GDF3: variants seen among roughly 807,000 people sequenced by gnomAD.
GDF3 encodes growth/differentiation factor 3.
Under a neutral mutation model 10.2 loss-of-function variants are expected in GDF3, and 10 were observed. The ratio of observed to expected loss-of-function variants is 0.98; its 90% CI spans 0.60 to 1.66. The LOEUF (loss-of-function observed/expected upper bound fraction) is 1.66, where lower values mean the gene tolerates loss of function less well. Among genes scored for constraint, GDF3 ranks in the 40% most tolerant of loss-of-function variants. The probability of loss-of-function intolerance (pLI) is 0.00; values close to 1 mark genes in which losing one functional copy is unlikely to be tolerated. For synonymous variants in GDF3, 166 were observed against 178.5 expected (o/e 0.93, Z 0.56); for missense variants, 450 against 438.3 (o/e 1.03, Z -0.24).
Position 7,695,568 on chromosome 12 carries a change from A to G in GDF3, c.161T>C (p.Ile54Thr), listed in dbSNP as rs910081119. The G allele has an allele frequency of 1.2e-6, 2 of 1,613,844 alleles. No homozygotes were observed. The highest frequency in any genetic ancestry group is 2.7e-5 in the African/African-American group (2 of 74,858). The change falls in exon 1 of 2, where the codon ATT (isoleucine) becomes ACT (threonine). Residue 54 changes from isoleucine (I) to threonine (T), a missense_variant. Transcript: ENST00000329913. ...FQPVPYILKK[I>T]FQDREAAATT... The stretch of plus-strand genomic sequence containing the variant: ...CGCTGCTGCCTCGCGATCCTGGAAA[A>G]TTTTCTTCAAGATATAAGGCACAGG...
chr12:7,695,617 C>G lies in GDF3; in HGVS notation c.112G>C (p.Ala38Pro). 6.2e-7 allele frequency: 1 copy of G among 1,614,122 alleles called. No homozygotes were observed. The change falls in exon 1 of 2, where the codon GCG becomes CCG. Residue 38 changes from alanine (A) to proline (P), a missense_variant. Coordinates refer to ENST00000329913, the MANE Select transcript of GDF3 (RefSeq NM_020634.3). ...VFLQFLGLDK[A>P]PSPQKFQPVP... ...GGTTGGAACTTCTGGGGTGAAGGCG[C>G]CTTATCTAAGCCCAGAAATTGGAGA...
intron 1 of GDF3, among the ~76,000 whole-genome samples, chr12:7,694,100 GACT>G (rs1413623689): frequency 6.6e-6 from 1 of 152,098 alleles, no homozygotes; most frequent in Non-Finnish European, 1.5e-5. Flanking sequence ...AGAAGGAATA[GACT>G]ACTATGAGCT....
Position 7,689,967 on chromosome 12 carries a change from G to C in GDF3, c.1006C>G (p.Pro336Ala). 2 of 1,613,888 alleles carry C rather than the reference G, an allele frequency of 1.2e-6. No homozygotes were observed. Among genetic ancestry groups the C allele is most frequent in the African/African-American group, 2.7e-5 (2 of 75,038 alleles). The stretch of plus-strand genomic sequence containing the variant: ...TTGTCCTGGTAGAGCATGGAAATGG[G>C]AGACAGCTTGGTGGGGATACACACA... ...QAVCIPTKLS[P>A]ISMLYQDNND... Residue 336 changes from proline to alanine, a missense_variant, in exon 2 of 2, where the codon CCC becomes GCC. By Grantham distance (27) the Pro-to-Ala change is conservative (BLOSUM62 -1). Coordinates refer to ENST00000329913, the MANE Select transcript of GDF3 (RefSeq NM_020634.3).
intron 1 of GDF3, among the ~76,000 whole-genome samples, chr12:7,691,321 A>T (rs775545509): frequency 6.6e-6 from 1 of 152,300 alleles, no homozygotes; most frequent in Non-Finnish European, 1.5e-5. Context: ...GAATATAGGT[A>T]ACAAATCCCA....
chr12:7,691,149 CAA>C (rs71038718), intron 1 of GDF3, among the ~76,000 whole-genome samples: 44 of 120,696 alleles, frequency 3.6e-4, no homozygotes, highest in Non-Finnish European at 3.3e-4. Context: ...GACTCCGTCT[CAA>C]AAAAAAAAAA....
Position 7,690,264 on chromosome 12 carries a change from TCAC to T in GDF3, c.706_708del (p.Val236del). On this transcript the variant is annotated inframe_deletion, in exon 2 of 2. Transcript: ENST00000329913. ...GGGTGGCACTGATCAGGGTTGAGAG[TCAC>T]CACCAGCAGGGAAGCATGAAGGGAG... 6.2e-7 allele frequency: 1 copy of T among 1,613,886 alleles called. No homozygotes were observed. Among genetic ancestry groups the T allele is most frequent in the Non-Finnish European group, 8.5e-7 (1 of 1,179,958 alleles).
In GDF3 at chr12:7,689,951, T is replaced by C; in HGVS notation, c.1022A>G (p.Tyr341Cys). 1.2e-6 allele frequency: 2 copies of C among 1,613,908 alleles called. No individual in the cohort carries two copies. The highest frequency in any genetic ancestry group is 1.7e-6 in the Non-Finnish European group (2 of 1,179,850). ...AATGACATTGTCATTATTGTCCTGG[T>C]AGAGCATGGAAATGGGAGACAGCTT... is the stretch of plus-strand genomic sequence containing the variant. ...PTKLSPISMLYQDNNDNVILR... is the reference protein window; with the variant it reads ...PTKLSPISMLCQDNNDNVILR... Residue 341 changes from tyrosine to cysteine, a missense_variant, in exon 2 of 2, where the codon TAC (tyrosine) becomes TGC (cysteine). Transcript: ENST00000329913.
chr12:7,692,160 A>G (rs1864138369), intron 1 of GDF3, among the ~76,000 whole-genome samples: 1 of 148,888 alleles, frequency 6.7e-6, no homozygotes, highest in Non-Finnish European at 1.5e-5. Flanking sequence ...GGGCCGGGAC[A>G]TGGTGGCTCA....
intron 1 of GDF3, among the ~76,000 whole-genome samples, chr12:7,692,312 C>T (rs1292123699): frequency 6.6e-6 from 1 of 151,656 alleles, no homozygotes; most frequent in African/African-American, 2.4e-5. Context: ...TGCCTGTAAT[C>T]CCAGCTACTC....
In GDF3 at chr12:7,695,544, G is replaced by A. The variant is rs763647791; in HGVS notation, c.185C>T (p.Ala62Val). The A allele has an allele frequency of 3.7e-6, 6 of 1,614,038 alleles. No individual in the cohort carries two copies. The highest frequency in any genetic ancestry group is 1.7e-4 in the Middle Eastern group (1 of 6,060). Residue 62 changes from alanine to valine, a missense_variant, in exon 1 of 2, where the codon GCG becomes GTG. By Grantham distance (64) the Ala-to-Val change is moderately conservative. Transcript: ENST00000329913. ...KKIFQDREAA[A>V]TTGVSRDLCY... ...TAAGTCTCGGGAGACCCCAGTGGTC[G>A]CTGCTGCCTCGCGATCCTGGAAAAT... is the stretch of plus-strand genomic sequence containing the variant.
rs780093783 is a variant in GDF3, at chr12:7,690,290, G to A, written c.683C>T (p.Ser228Phe). 2.5e-6 allele frequency: 4 copies of A among 1,614,150 alleles called. No homozygotes were observed. Among genetic ancestry groups the A allele is most frequent in the Admixed American group, 1.7e-5 (1 of 59,994 alleles). Residue 228 changes from serine (S) to phenylalanine (F), a missense_variant, in exon 2 of 2, where the codon TCC becomes TTC. Physicochemically the swap from Ser to Phe is radical, Grantham distance 155. Coordinates refer to ENST00000329913, the MANE Select transcript of GDF3 (RefSeq NM_020634.3). ...CACCACCAGCAGGGAAGCATGAAGG[G>A]AGCATCTTAGTCTGGCACAGGTGTC... Reference protein sequence around the residue: ...PEDTCARLRCSLHASLLVVTL... With the variant: ...PEDTCARLRCFLHASLLVVTL...
chr12:7,692,388 C>T (rs1466845009), intron 1 of GDF3, among the ~76,000 whole-genome samples: 1 of 151,148 alleles, frequency 6.6e-6, no homozygotes, highest in Non-Finnish European at 1.5e-5. Context: ...CGATATCACA[C>T]CATTGTACTC....
At chr12:7,692,028 A>G (rs1172696275) in intron 1 of GDF3, among the ~76,000 whole-genome samples, 1 of 151,994 alleles carries the variant, frequency 6.6e-6, no homozygotes, top group East Asian at 1.9e-4. Context: ...AATAAATAAA[A>G]AATAAAAAAA....
rs751268973 is a variant in GDF3, at chr12:7,695,488, T to C, written c.241A>G (p.Asn81Asp). The C allele has an allele frequency of 1.4e-5, 22 of 1,613,970 alleles. No individual in the cohort carries two copies. In the South Asian group the frequency reaches 2.3e-4, roughly 17 times the overall value. The change falls in exon 1 of 2, where the codon AAT (asparagine) becomes GAT (aspartate). Residue 81 changes from asparagine (N) to aspartate (D), a missense_variant. Asn to Asp is a conservative substitution (Grantham distance 23). Coordinates refer to ENST00000329913, the MANE Select transcript of GDF3 (RefSeq NM_020634.3). The part of the protein sequence containing the change: ...CYVKELGVRG[N>D]VLRFLPDQGF... ...TGGTCTGGGAGAAAGCGAAGTACAT[T>C]CCCGCGGACGCCCAGCTCCTTTACG...
At chr12:7,692,379 G>A (rs1489121580) in intron 1 of GDF3, among the ~76,000 whole-genome samples, 4 of 148,860 alleles carry the variant, frequency 2.7e-5, no homozygotes, top group Admixed American at 6.7e-5. Context: ...GTGGTGAGCC[G>A]ATATCACACC....
At chr12:7,692,137 G>T (rs1172889893) in intron 1 of GDF3, among the ~76,000 whole-genome samples, 1 of 151,232 alleles carries the variant, frequency 6.6e-6, no homozygotes, top group Non-Finnish European at 1.5e-5. Context: ...TTCTGAGAAA[G>T]AGTCAATAGA....
Position 7,690,652 on chromosome 12 carries a change from C to A in GDF3, c.321G>T (p.Lys107Asn), listed in dbSNP as rs769740914. ...TGGCAGACAGGTTAAAGTAGAGGAGCTTCTGCAGGCAGGAGGAAGCTTGGG... is the reference window on the plus strand; with the variant it reads ...TGGCAGACAGGTTAAAGTAGAGGAGATTCTGCAGGCAGGAGGAAGCTTGGG... ...KISQASSCLQ[K>N]LLYFNLSAIK... The change falls in exon 2 of 2, where the codon AAG becomes AAT. Residue 107 changes from lysine (K) to asparagine (N), a missense_variant. By Grantham distance (94) the Lys-to-Asn change is moderately conservative (BLOSUM62 0). Coordinates refer to ENST00000329913, the MANE Select transcript of GDF3 (RefSeq NM_020634.3). 106 of 1,612,866 alleles carry A rather than the reference C, an allele frequency of 6.6e-5. No individual in the cohort carries two copies. Among genetic ancestry groups the A allele is most frequent in the Non-Finnish European group, 8.8e-5 (104 of 1,179,620 alleles).
chr12:7,691,889 T>C (rs188398537), intron 1 of GDF3, among the ~76,000 whole-genome samples: 9 of 151,714 alleles, frequency 5.9e-5, no homozygotes, highest in East Asian at 3.9e-4. Flanking sequence ...TGCCTGTAGT[T>C]CCAGCTACTC....
chr12:7,690,547 C>A lies in GDF3; in HGVS notation c.426G>T (p.Glu142Asp). The change falls in exon 2 of 2, where the codon GAG (glutamate) becomes GAT (aspartate). Residue 142 changes from glutamate (E) to aspartate (D), a missense_variant. Glu to Asp is a conservative substitution (Grantham distance 45, BLOSUM62 2). Coordinates refer to ENST00000329913, the MANE Select transcript of GDF3 (RefSeq NM_020634.3). ...GAACCAGGAACAGAGCCAGTTCCAG[C>A]TCTGGTCCCAGGTTATAGTAAGAAT... ...GPNSYYNLGP[E>D]LELALFLVQE... 1.9e-6 allele frequency: 3 copies of A among 1,609,280 alleles called. No individual in the cohort carries two copies. Among genetic ancestry groups the A allele is most frequent in the Non-Finnish European group, 2.5e-6 (3 of 1,176,934 alleles).
Sources: allele counts gnomAD v4.1 joint callset (sites outside exome capture counted in the v4.1 genomes callset), GRCh38; gene constraint gnomAD v4.1.1; transcripts MANE v1.5; gene names NCBI Gene and HGNC (gene_info 2026-07-23, HGNC 2026-07-21).